Variants in DYSF observed in about 807,000 individuals in gnomAD.
DYSF encodes the protein dysferlin, also known as dystrophy-associated fer-1-like 1.
Under a neutral mutation model 274.9 loss-of-function variants are expected in DYSF, and 212 were observed. The ratio of observed to expected loss-of-function variants is 0.77; its 90% confidence interval spans 0.69 to 0.86. The LOEUF is 0.86. Ranked by LOEUF, DYSF falls within the 40% of genes least tolerant of loss-of-function variation. The pLI is 0.00. For synonymous variants in DYSF, 1,091 were observed against 1,078.7 expected (o/e 1.01, Z -0.22); for missense variants, 2,666 against 2,783.2 (o/e 0.96, Z 0.95).
intron 32 of DYSF, among the ~76,000 whole-genome samples, chr2:71,596,195 C>A (rs1213642356): frequency 1.3e-5 from 2 of 151,942 alleles, no homozygotes; most frequent in African/African-American, 4.8e-5. Flanking sequence ...AAGCCACCCC[C>A]TCCCCGTTCT....
chr2:71,481,846 T>C lies in DYSF; in HGVS notation c.148-33T>C, dbSNP rs944743388. 4 of 1,576,654 alleles carry C rather than the reference T, an allele frequency of 2.5e-6. No homozygotes were observed. The African/African-American group carries it at 5.4e-5, about 21-fold the overall frequency. ...CACAGTCTCTTCTCCTAGAGGGCCATAGGTTAAGATGCCTTTTCTCTTTTT... is the reference window on the plus strand; with the variant it reads ...CACAGTCTCTTCTCCTAGAGGGCCACAGGTTAAGATGCCTTTTCTCTTTTT... On this transcript the variant is annotated intron_variant, in intron 2 of 55. Coordinates refer to ENST00000410020, the MANE Select transcript of DYSF (RefSeq NM_001130987.2).
At chr2:71,541,048 T>C (rs1037910195) in intron 17 of DYSF, among the ~76,000 whole-genome samples, 4 of 152,218 alleles carry the variant, frequency 2.6e-5, no homozygotes, top group Non-Finnish European at 5.9e-5. Context: ...ACTAAATTCC[T>C]AAATGTGTTC....
At chr2:71,636,828 G>A (rs2152917606) in intron 41 of DYSF, among the ~76,000 whole-genome samples, 1 of 152,288 alleles carries the variant, frequency 6.6e-6, no homozygotes, top group African/African-American at 2.4e-5. Flanking sequence ...GTGACAAGAA[G>A]GAGGCAGCAA....
Position 71,481,870 on chromosome 2 carries a change from T to C in DYSF, c.148-9T>C, listed in dbSNP as rs779606200. On this transcript the variant is annotated splice_polypyrimidine_tract_variant and intron_variant, in intron 2 of 55. Transcript: ENST00000410020. ...ATAGGTTAAGATGCCTTTTCTCTTT[T>C]TCTTCCAGGGATTTGAATGGGACCT... 4 of 1,613,452 alleles carry C rather than the reference T, an allele frequency of 2.5e-6. No homozygotes were observed. The highest frequency in any genetic ancestry group is 3.4e-6 in the Non-Finnish European group (4 of 1,179,434).
At chr2:71,595,821 G>C (rs2093390552) in intron 32 of DYSF, among the ~76,000 whole-genome samples, 1 of 152,150 alleles carries the variant, frequency 6.6e-6, no homozygotes. Flanking sequence ...GTGGCCCTGG[G>C]GAGAGCCCTA....
intron 3 of DYSF, among the ~76,000 whole-genome samples, chr2:71,486,710 C>A (rs2083397057): frequency 6.6e-6 from 1 of 152,168 alleles, no homozygotes; most frequent in South Asian, 2.1e-4. Flanking sequence ...GACCCCTGAG[C>A]CAACTTCAGG....
chr2:71,644,160 A>G (rs1180427783), intron 42 of DYSF, 97 bp downstream of exon 42: 2 of 1,059,268 alleles, frequency 1.9e-6, no homozygotes, highest in Non-Finnish European at 1.4e-6. Context: ...ATGTATTTGC[A>G]TTTGTCTCCT....
In DYSF at chr2:71,534,942, A is replaced by C. The variant is rs2089155251; in HGVS notation, c.1381-79A>C. 7 of 1,484,798 alleles carry C rather than the reference A, an allele frequency of 4.7e-6. 1 individual carries two copies. The highest frequency in any genetic ancestry group is 2.3e-5 in the South Asian group (2 of 88,412). The allele number at this position is 1,484,798 out of a possible 1,614,324, so 92.0% of individuals were successfully genotyped here. Reference sequence around the variant, plus strand: ...GCAGCCAGCATGGCAGAGAATGGTCACTGGCTGGCATGTGGCCCCGGGGGA... The same window carrying C: ...GCAGCCAGCATGGCAGAGAATGGTCCCTGGCTGGCATGTGGCCCCGGGGGA... On this transcript the variant is annotated intron_variant, in intron 14 of 55. Coordinates refer to ENST00000410020, the MANE Select transcript of DYSF (RefSeq NM_001130987.2).
chr2:71,609,555 G>A (rs1386407312), intron 36 of DYSF, among the ~76,000 whole-genome samples: 2 of 152,202 alleles, frequency 1.3e-5, no homozygotes, highest in Non-Finnish European at 2.9e-5. Context: ...CTCTTCAGAT[G>A]TGTTCTCTCA....
chr2:71,503,998 C>A (rs1408464778), intron 4 of DYSF, among the ~76,000 whole-genome samples: 7 of 152,360 alleles, frequency 4.6e-5, no homozygotes, highest in Non-Finnish European at 1.0e-4. Flanking sequence ...CTACTTCCGC[C>A]CTGTGAGGCC....
At chr2:71,565,599 C>T (rs2092045690) in intron 24 of DYSF, among the ~76,000 whole-genome samples, 1 of 150,530 alleles carries the variant, frequency 6.6e-6, no homozygotes, top group Non-Finnish European at 1.5e-5. Flanking sequence ...GCAGAGCCCC[C>T]TGAGTGATGC....
intron 41 of DYSF, among the ~76,000 whole-genome samples, chr2:71,631,122 A>T (rs183298933): frequency 2.0e-5 from 3 of 152,340 alleles, no homozygotes; most frequent in Admixed American, 1.3e-4. Context: ...ACTTTGAAGC[A>T]AAGGTTTTCT....
At chr2:71,491,920 T>C (rs1195696542) in intron 3 of DYSF, among the ~76,000 whole-genome samples, 8 of 152,206 alleles carry the variant, frequency 5.3e-5, no homozygotes, top group African/African-American at 1.9e-4. Context: ...GTTTGCTGTG[T>C]TAGAAGTTGG....
intron 14 of DYSF, among the ~76,000 whole-genome samples, chr2:71,530,144 C>T (rs900185606): frequency 1.4e-5 from 2 of 144,002 alleles, no homozygotes; most frequent in Non-Finnish European, 3.2e-5. Flanking sequence ...TTACGCCCTG[C>T]GCCTGGCATC....
At chr2:71,463,625 G>T (rs184052807), upstream of DYSF, among the ~76,000 whole-genome samples, 21 of 152,366 alleles carry the variant, frequency 1.4e-4, no homozygotes, top group South Asian at 1.4e-3. Context: ...ACCCAGGCAG[G>T]CTCCATGTTT....
chr2:71,640,359 A>G (rs1303294194), intron 41 of DYSF, among the ~76,000 whole-genome samples: 1 of 152,210 alleles, frequency 6.6e-6, no homozygotes, highest in Non-Finnish European at 1.5e-5. Context: ...CTAACCTCTT[A>G]AACATCCATT....
intron 36 of DYSF, among the ~76,000 whole-genome samples, chr2:71,608,266 G>A (rs1379525775): frequency 7.1e-6 from 1 of 141,608 alleles, no homozygotes; most frequent in East Asian, 2.0e-4. Context: ...AGGAGGGCGC[G>A]GGTGGATTTG....
intron 30 of DYSF, among the ~76,000 whole-genome samples, chr2:71,579,059 A>G (rs2092803537): frequency 6.6e-6 from 1 of 152,126 alleles, no homozygotes; most frequent in African/African-American, 2.4e-5. Context: ...CAAAGCCGCT[A>G]TTATAGCGCG....
At chr2:71,630,932 CTT>C (rs1287809374) in intron 41 of DYSF, among the ~76,000 whole-genome samples, 3 of 152,182 alleles carry the variant, frequency 2.0e-5, no homozygotes, top group Admixed American at 6.5e-5. Flanking sequence ...ATGGTTAAGT[CTT>C]AGTGTAGGAG....
Sources: allele counts gnomAD v4.1 joint callset (sites outside exome capture counted in the v4.1 genomes callset), GRCh38; gene constraint gnomAD v4.1.1; transcripts MANE v1.5; gene names NCBI Gene and HGNC (gene_info 2026-07-23, HGNC 2026-07-21).